Variants in SLIT3 observed in about 807,000 individuals in gnomAD.
The protein encoded by SLIT3 is slit homolog 3 protein.
SLIT3 carries 68 observed loss-of-function variants against 184.0 expected under a neutral mutation model. The observed-to-expected ratio is 0.37, with a 90% confidence interval of 0.30 to 0.45. The LOEUF is 0.45. Ranked by LOEUF, SLIT3 falls within the 20% of genes least tolerant of loss-of-function variation. The pLI, the probability that SLIT3 is intolerant of heterozygous loss-of-function variation, is 1.00. For missense variants in SLIT3, 1,707 were observed against 2,026.0 expected, an observed-to-expected ratio of 0.84 and a Z score of 3.02; for synonymous variants, 831 against 828.6, an observed-to-expected ratio of 1.00 and a Z score of -0.05.
At chr5:169,179,689 T>C (rs200725354) in intron 4 of SLIT3, among the ~76,000 whole-genome samples, 2 of 121,600 alleles carry the variant, frequency 1.6e-5, no homozygotes, top group African/African-American at 9.0e-5. Flanking sequence ...CATGAGCATA[T>C]GTGTGTGTGT....
chr5:169,218,865 T>C (rs1764532244), intron 3 of SLIT3, among the ~76,000 whole-genome samples: 1 of 152,174 alleles, frequency 6.6e-6, no homozygotes, highest in African/African-American at 2.4e-5. Context: ...TAAAAAGGGA[T>C]ACAACTGGTA....
intron 4 of SLIT3, among the ~76,000 whole-genome samples, chr5:168,907,611 G>A (rs188975330): frequency 1.2e-4 from 19 of 152,176 alleles, no homozygotes; most frequent in Non-Finnish European, 2.2e-4. Context: ...TGTATTACAT[G>A]TATGATAAAG....
rs549477467 is a variant in SLIT3 at position 169,129,500 on chromosome 5, C to T, written c.413+63979G>A. ...CCGGGAGGCAGAGATTGCAGTGAGA[C>T]GAGATTGCGCCATTGCACTCCAGCC... On this transcript the variant is annotated intron_variant, in intron 4 of 35. Transcript: ENST00000519560. Among the ~76,000 whole-genome samples the T allele has an allele frequency of 7.2e-5, 11 of 152,126 alleles. No individual in the cohort carries two copies. The East Asian group carries it at 7.8e-4, about 11-fold the overall frequency.
At chr5:168,795,322 C>A (rs1756528604) in intron 10 of SLIT3, among the ~76,000 whole-genome samples, 185 bp downstream of exon 10, 1 of 152,238 alleles carries the variant, frequency 6.6e-6, no homozygotes, top group African/African-American at 2.4e-5. Flanking sequence ...CCACACACCT[C>A]ACAATCTTCA....
chr5:168,996,595 G>GT (rs1403702688), intron 4 of SLIT3, among the ~76,000 whole-genome samples: 1 of 152,164 alleles, frequency 6.6e-6, no homozygotes, highest in Non-Finnish European at 1.5e-5. Context: ...TCAGAAACAC[G>GT]TAAGAAGCTA....
intron 5 of SLIT3, among the ~76,000 whole-genome samples, chr5:168,865,092 T>C (rs1239380909): frequency 1.5e-5 from 2 of 133,704 alleles, no homozygotes; most frequent in East Asian, 2.3e-4. Context: ...CAATTGAACC[T>C]GGGAGGCGAG....
chr5:169,294,404 C>CT (rs1767441490), intron 1 of SLIT3, among the ~76,000 whole-genome samples: 8 of 150,516 alleles, frequency 5.3e-5, no homozygotes. Flanking sequence ...CCACAATTCC[C>CT]TTTTTATGGA....
intron 3 of SLIT3, among the ~76,000 whole-genome samples, chr5:169,201,876 C>T (rs1763912543): frequency 6.6e-6 from 1 of 152,214 alleles, no homozygotes; most frequent in Non-Finnish European, 1.5e-5. Context: ...TACAGGAACA[C>T]TTGGATATTT....
chr5:169,178,457 A>G (rs56241767), intron 4 of SLIT3, among the ~76,000 whole-genome samples: 4,626 of 152,326 alleles, frequency 0.03, 92 homozygotes, highest in South Asian at 0.096. Context: ...CGGTTGCTGT[A>G]GAGACAAGAG....
At chr5:169,041,203 T>C (rs1757436592) in intron 4 of SLIT3, among the ~76,000 whole-genome samples, 1 of 152,228 alleles carries the variant, frequency 6.6e-6, no homozygotes, top group Admixed American at 6.5e-5. Flanking sequence ...CCCCAACTAC[T>C]TCACATGGCT....
At position 168,883,314 on chromosome 5, in the gene SLIT3, G is replaced by A. The variant is rs781308445; in HGVS notation, c.436C>T (p.Gln146Ter). 29 of 1,613,914 alleles carry A rather than the reference G, an allele frequency of 1.8e-5. 1 individual carries two copies. The South Asian group carries it at 2.4e-4, about 13-fold the overall frequency. ...CGGAACGCCTTCCTCGGGATCCCCT[G>A]GATCTGGTTTTCACTCAAATCTCTA... Reference protein sequence around the residue: ...TRLDLSENQIQGIPRKAFRGI... With the variant: ...TRLDLSENQI Residue 146 changes from glutamine (Q) to a stop codon, truncating the protein, a stop_gained, in exon 5 of 36, where the codon CAG (glutamine) becomes TAG (stop). Transcript: ENST00000519560. LOFTEE classifies it high-confidence loss of function.
intron 4 of SLIT3, among the ~76,000 whole-genome samples, chr5:169,081,274 T>G (rs1050000045): frequency 2.0e-5 from 3 of 151,984 alleles, no homozygotes; most frequent in Non-Finnish European, 4.4e-5. Context: ...CACAGCAGGG[T>G]GGGAAGGAGC....
chr5:169,189,435 A>T (rs1408010200), intron 4 of SLIT3, among the ~76,000 whole-genome samples: 1 of 151,146 alleles, frequency 6.6e-6, no homozygotes, highest in Non-Finnish European at 1.5e-5. Context: ...TTAGAAATAG[A>T]TTTAATGATT....
chr5:168,715,117 C>G (rs528630851), intron 23 of SLIT3, among the ~76,000 whole-genome samples: 1 of 152,254 alleles, frequency 6.6e-6, no homozygotes, highest in South Asian at 2.1e-4. Flanking sequence ...GGTTAAGAAC[C>G]CAAGGCTCTG....
At chr5:168,898,347 C>T (rs1476318719) in intron 4 of SLIT3, among the ~76,000 whole-genome samples, 1 of 151,802 alleles carries the variant, frequency 6.6e-6, no homozygotes, top group Non-Finnish European at 1.5e-5. Context: ...GAAGTGGTCC[C>T]CCGGGATGTC....
At chr5:169,152,523 G>A (rs186586710) in intron 4 of SLIT3, among the ~76,000 whole-genome samples, 3 of 152,166 alleles carry the variant, frequency 2.0e-5, no homozygotes, top group Admixed American at 6.5e-5. Context: ...GCACCGCCTC[G>A]TGGGGATGAC....
intron 4 of SLIT3, among the ~76,000 whole-genome samples, chr5:168,885,914 T>A (rs1223673666): frequency 6.6e-6 from 1 of 152,106 alleles, no homozygotes; most frequent in Non-Finnish European, 1.5e-5. Context: ...AGCAGAAAAA[T>A]CTGGCCATGT....
At chr5:169,103,407 A>G (rs984194045) in intron 4 of SLIT3, among the ~76,000 whole-genome samples, 1 of 152,196 alleles carries the variant, frequency 6.6e-6, no homozygotes, top group African/African-American at 2.4e-5. Context: ...GGCCCAGGTG[A>G]TCCTCAGAGT....
rs570568093 is a variant in SLIT3 at position 168,982,694 on chromosome 5, A to G, written c.414-99358T>C. 3.5e-4 allele frequency among the ~76,000 whole-genome samples: 53 copies of G among 152,338 alleles called. 2 individuals are homozygous for G. The South Asian group carries it at 0.011, about 31-fold the overall frequency. On this transcript the variant is annotated intron_variant, in intron 4 of 35. Transcript: ENST00000519560. ...GTTTGGGCCTGTGACTCATGGGCTTAGTCCTCACAAAGTTTTTATTAATTA... is the reference window on the plus strand; with the variant it reads ...GTTTGGGCCTGTGACTCATGGGCTTGGTCCTCACAAAGTTTTTATTAATTA...
Sources: allele counts gnomAD v4.1 joint callset (sites outside exome capture counted in the v4.1 genomes callset), GRCh38; gene constraint gnomAD v4.1.1; transcripts MANE v1.5; gene names NCBI Gene and HGNC (gene_info 2026-07-23, HGNC 2026-07-21).